Variants in DLG2 observed in about 807,000 individuals in gnomAD.
The protein encoded by DLG2 is disks large homolog 2.
DLG2 carries 45 observed loss-of-function variants against 132.5 expected under a neutral mutation model. The observed-to-expected ratio is 0.34, with a 90% CI of 0.27 to 0.44. DLG2 has a LOEUF of 0.44. Ranked by LOEUF, DLG2 falls within the 20% of genes least tolerant of loss-of-function variation. DLG2 has a pLI of 1.00. For synonymous variants in DLG2, 424 were observed against 419.6 expected (o/e 1.01, Z -0.13); for missense variants, 1,045 against 1,196.9 (o/e 0.87, Z 1.87).
At chr11:83,583,563 T>C (rs994453676) in intron 19 of DLG2, among the ~76,000 whole-genome samples, 1 of 152,220 alleles carries the variant, frequency 6.6e-6, no homozygotes, top group Non-Finnish European at 1.5e-5. Flanking sequence ...GTGGTTTATC[T>C]CTAAGGTAAC....
At chr11:85,142,132 GTA>G (rs1189272692) in intron 5 of DLG2, among the ~76,000 whole-genome samples, 1 of 151,822 alleles carries the variant, frequency 6.6e-6, no homozygotes, top group Non-Finnish European at 1.5e-5. Flanking sequence ...CACTGAACGT[GTA>G]GATTGCTTTC....
chr11:85,150,062 C>T (rs887174996), intron 5 of DLG2, among the ~76,000 whole-genome samples: 20 of 140,588 alleles, frequency 1.4e-4, no homozygotes, highest in Non-Finnish European at 2.9e-4. Flanking sequence ...CTCAGTCGCC[C>T]AGGCTGGAGG....
intron 6 of DLG2, among the ~76,000 whole-genome samples, chr11:84,602,969 T>C (rs772953266): frequency 2.8e-4 from 42 of 152,130 alleles, no homozygotes; most frequent in Middle Eastern, 3.4e-3. Flanking sequence ...TCTGATTGCA[T>C]TGGTGAAATT....
intron 6 of DLG2, among the ~76,000 whole-genome samples, chr11:85,064,911 T>C (rs1216988858): frequency 6.6e-6 from 1 of 151,560 alleles, no homozygotes; most frequent in Admixed American, 6.6e-5. Context: ...TCTCTTTCTC[T>C]CCTTCCCCAC....
At chr11:84,074,041 G>A (rs911481097) in intron 10 of DLG2, among the ~76,000 whole-genome samples, 1 of 152,130 alleles carries the variant, frequency 6.6e-6, no homozygotes, top group Non-Finnish European at 1.5e-5. Context: ...TTGTTATAGA[G>A]AATATCAAAT....
At position 84,738,222 on chromosome 11, in the gene DLG2, T is replaced by G. The variant is rs1035223243; in HGVS notation, c.358-203491A>C. On this transcript the variant is annotated intron_variant, in intron 6 of 27. Transcript: ENST00000376104. The stretch of plus-strand genomic sequence containing the variant: ...CCAGTATGTAACAATTTTCTTTTTT[T>G]TCTTTTTCTTTTTTTTTGCTTGTTA... 4.6e-5 allele frequency among the ~76,000 whole-genome samples: 7 copies of G among 152,214 alleles called. No individual in the cohort carries two copies. In the South Asian group the frequency reaches 6.2e-4, roughly 14 times the overall value.
intron 6 of DLG2, among the ~76,000 whole-genome samples, chr11:84,870,429 A>G (rs2085298621): frequency 6.6e-6 from 1 of 152,224 alleles, no homozygotes; most frequent in Non-Finnish European, 1.5e-5. Flanking sequence ...AAGATATTCC[A>G]ACTGGTTTTT....
intron 10 of DLG2, among the ~76,000 whole-genome samples, chr11:84,092,446 G>C (rs1207165512): frequency 6.6e-6 from 1 of 152,204 alleles, no homozygotes; most frequent in Non-Finnish European, 1.5e-5. Context: ...GAAGAACATA[G>C]AGCTTAAAAA....
intron 15 of DLG2, among the ~76,000 whole-genome samples, chr11:83,884,280 C>T (rs1307555591): frequency 6.6e-6 from 1 of 152,226 alleles, no homozygotes; most frequent in Non-Finnish European, 1.5e-5. Flanking sequence ...AACGGCGCAC[C>T]AGGAGATTAT....
At chr11:84,122,212 C>T (rs2093957592) in intron 9 of DLG2, among the ~76,000 whole-genome samples, 1 of 151,956 alleles carries the variant, frequency 6.6e-6, no homozygotes, top group Non-Finnish European at 1.5e-5. Context: ...CCCAGCTACT[C>T]AGGAGGCTGG....
At chr11:83,859,635 A>G (rs191764275) in intron 16 of DLG2, among the ~76,000 whole-genome samples, 8 of 152,350 alleles carry the variant, frequency 5.3e-5, no homozygotes, top group Middle Eastern at 3.4e-3. Flanking sequence ...CAGTTTGACA[A>G]TGGGATAGAA....
intron 6 of DLG2, chr11:85,020,929 C>T (rs2060006363): frequency 1.3e-5 from 10 of 771,830 alleles, no homozygotes; most frequent in Non-Finnish European, 2.4e-5. Flanking sequence ...TCTGCACCGC[C>T]CTCAGACTCC....
intron 6 of DLG2, among the ~76,000 whole-genome samples, chr11:85,056,533 G>T (rs1291121366): frequency 6.6e-6 from 1 of 151,988 alleles, no homozygotes; most frequent in African/African-American, 2.4e-5. Flanking sequence ...ATAACGAAGT[G>T]TGTGTCAATG....
At chr11:85,035,485 G>A (rs917363910) in intron 6 of DLG2, among the ~76,000 whole-genome samples, 1 of 152,076 alleles carries the variant, frequency 6.6e-6, no homozygotes, top group Non-Finnish European at 1.5e-5. Context: ...CAGGCGAGAG[G>A]TGAGAGAGAA....
chr11:85,174,521 C>A (rs2079087620), intron 4 of DLG2, among the ~76,000 whole-genome samples: 1 of 152,034 alleles, frequency 6.6e-6, no homozygotes, highest in Non-Finnish European at 1.5e-5. Flanking sequence ...CTAGAAAGAT[C>A]TCAAATTAAC....
At chr11:85,400,788 G>C (rs905490795) in intron 3 of DLG2, among the ~76,000 whole-genome samples, 8 of 151,794 alleles carry the variant, frequency 5.3e-5, no homozygotes, top group African/African-American at 1.9e-4. Flanking sequence ...GTTGTGGGGT[G>C]GGGGGAGAGG....
At chr11:84,481,806 T>A (rs2099138518) in intron 7 of DLG2, among the ~76,000 whole-genome samples, 1 of 152,150 alleles carries the variant, frequency 6.6e-6, no homozygotes, top group African/African-American at 2.4e-5. Context: ...TGAGAGCCAG[T>A]AAAATGTCGT....
chr11:85,616,556 A>G (rs901424246), intron 2 of DLG2, among the ~76,000 whole-genome samples: 1 of 152,218 alleles, frequency 6.6e-6, no homozygotes, highest in Non-Finnish European at 1.5e-5. Flanking sequence ...GACAAAACCC[A>G]GAAGGAATTT....
chr11:85,030,760 A>T (rs1026411765), intron 6 of DLG2, among the ~76,000 whole-genome samples: 1 of 152,074 alleles, frequency 6.6e-6, no homozygotes, highest in Non-Finnish European at 1.5e-5. Flanking sequence ...TTTCTCTTAC[A>T]TTAATCCCAC....
Sources: allele counts gnomAD v4.1 joint callset (sites outside exome capture counted in the v4.1 genomes callset), GRCh38; gene constraint gnomAD v4.1.1; transcripts MANE v1.5; gene names NCBI Gene and HGNC (gene_info 2026-07-23, HGNC 2026-07-21).